The following HMBOX1 variants were observed in gnomAD, a reference collection of about 807,000 sequenced individuals.
The protein encoded by HMBOX1 is homeobox containing 1.
A neutral mutation model predicts 54.5 loss-of-function variants in HMBOX1; 14 were observed. That is an observed-to-expected ratio of 0.26 (90% CI 0.17 to 0.40). HMBOX1 has a LOEUF of 0.40. Among genes scored for constraint, HMBOX1 ranks in the 10% least tolerant of loss-of-function variants. The pLI, the probability that HMBOX1 is intolerant of heterozygous loss-of-function variation, is 1.00. For missense variants in HMBOX1, 332 were observed against 514.4 expected, an observed-to-expected ratio of 0.65 and a Z score of 3.43; for synonymous variants, 160 against 181.0, an observed-to-expected ratio of 0.88 and a Z score of 0.93.
rs1480711855 is a variant in HMBOX1, at chr8:28,970,151, C to T, written c.132C>T (p.Leu44=). The change falls in exon 3 of 10, where the codon CTC becomes CTT. Residue 44 remains leucine, a synonymous_variant. Transcript: ENST00000287701. This position sits in a 1 kb window ranked among gnomAD's most constrained non-coding sequence, Gnocchi z 4.3. ...CTGGAATGACTAAACATGAAATTCT[C>T]CATGCCTTGGAAACTTTGGACCGTC... The part of the protein sequence containing the change: ...RRTGMTKHEI[L]HALETLDRLD... 1 of 1,614,134 alleles carries T rather than the reference C, an allele frequency of 6.2e-7. No homozygotes were observed. The highest frequency in any genetic ancestry group is 1.3e-5 in the African/African-American group (1 of 75,034).
At chr8:29,046,592 G>A (rs1016328194) in intron 7 of HMBOX1, among the ~76,000 whole-genome samples, 1 of 152,216 alleles carries the variant, frequency 6.6e-6, no homozygotes, top group African/African-American at 2.4e-5. Context: ...AAGAAAACAT[G>A]TATAATATCC....
At chr8:28,964,047 G>A (rs889748446) in intron 2 of HMBOX1, among the ~76,000 whole-genome samples, 157 bp downstream of exon 2, 2 of 152,078 alleles carry the variant, frequency 1.3e-5, no homozygotes, top group African/African-American at 4.8e-5. Context: ...TGACATTAAG[G>A]TGAATAAGTG....
intron 1 of HMBOX1, among the ~76,000 whole-genome samples, chr8:28,905,939 T>G (rs1466203791): frequency 6.6e-6 from 1 of 152,206 alleles, no homozygotes; most frequent in East Asian, 1.9e-4. Flanking sequence ...TACCAGCACA[T>G]TTTTTTCAGC....
intron 1 of HMBOX1, among the ~76,000 whole-genome samples, chr8:28,908,413 T>C (rs992559885): frequency 6.6e-6 from 1 of 152,198 alleles, no homozygotes; most frequent in Admixed American, 6.5e-5. Context: ...AATTATAAAC[T>C]TGAAAGTCTA....
At chr8:29,006,624 G>GT (rs1411406471) in intron 4 of HMBOX1, among the ~76,000 whole-genome samples, 4 of 151,974 alleles carry the variant, frequency 2.6e-5, no homozygotes, top group African/African-American at 9.7e-5. Context: ...AGTTTTCTGG[G>GT]TTTTTTTATG....
At chr8:28,969,888 A>G (rs944870210) in intron 2 of HMBOX1, among the ~76,000 whole-genome samples, 155 bp from the exon 3 acceptor site, 2 of 152,148 alleles carry the variant, frequency 1.3e-5, no homozygotes, top group African/African-American at 4.8e-5. Flanking sequence ...GTACCAATCC[A>G]TTTGCCATGG....
chr8:29,049,174 C>T, intron 9 of HMBOX1, 126 bp downstream of exon 9: 3 of 1,488,748 alleles, frequency 2.0e-6, no homozygotes, highest in East Asian at 4.7e-5. Flanking sequence ...CTCCACTCTG[C>T]TCCTGTGTCT....
Position 29,018,821 on chromosome 8 carries a change from G to T in HMBOX1, c.759G>T (p.Thr253=), listed in dbSNP as rs780435273. Reference sequence around the variant, plus strand: ...TAGAGGACCCTGAATGGAGACAAACGCCTCCCCCAGTCTCTGCCACATCTG... The same window carrying T: ...TAGAGGACCCTGAATGGAGACAAACTCCTCCCCCAGTCTCTGCCACATCTG... ...IPIEDPEWRQ[T]PPPVSATSGT... Residue 253 remains threonine (T), a synonymous_variant, in exon 6 of 10, where the codon ACG becomes ACT. Transcript: ENST00000287701. The T allele has an allele frequency of 2.5e-6, 4 of 1,614,056 alleles. No homozygotes were observed. The Admixed American group carries it at 6.7e-5, about 27-fold the overall frequency.
chr8:28,954,869 C>CT (rs1366735888), intron 1 of HMBOX1, among the ~76,000 whole-genome samples: 1 of 152,084 alleles, frequency 6.6e-6, no homozygotes, highest in Non-Finnish European at 1.5e-5. Flanking sequence ...TGAAAGTTTA[C>CT]TTTTTTTCTG....
chr8:28,898,991 G>C (rs944442091), intron 1 of HMBOX1, among the ~76,000 whole-genome samples: 3 of 152,188 alleles, frequency 2.0e-5, no homozygotes. Flanking sequence ...AAGTCTAGCA[G>C]TGCGTGATGA....
At chr8:28,920,794 A>G (rs1817418153) in intron 1 of HMBOX1, among the ~76,000 whole-genome samples, 1 of 152,200 alleles carries the variant, frequency 6.6e-6, no homozygotes, top group African/African-American at 2.4e-5. Context: ...CTTTTGAGAG[A>G]CCAGACAATC....
chr8:28,943,096 C>G (rs1196323426), intron 1 of HMBOX1, among the ~76,000 whole-genome samples: 1 of 152,058 alleles, frequency 6.6e-6, no homozygotes, highest in Non-Finnish European at 1.5e-5. Context: ...ATAAGTAGAC[C>G]AGGTATAAGG....
chr8:28,953,789 G>A (rs1366549394), intron 1 of HMBOX1, among the ~76,000 whole-genome samples: 2 of 152,132 alleles, frequency 1.3e-5, no homozygotes, highest in East Asian at 3.9e-4. Context: ...TTCAAGCTGG[G>A]TGATAGGTAT....
chr8:28,915,934 A>C (rs1315106414), intron 1 of HMBOX1: 2 of 152,184 alleles, frequency 1.3e-5, no homozygotes, highest in African/African-American at 4.8e-5. Context: ...ACATGGAATT[A>C]GTATAAAAAT....
At chr8:28,930,255 A>G (rs1436292034) in intron 1 of HMBOX1, among the ~76,000 whole-genome samples, 2 of 152,070 alleles carry the variant, frequency 1.3e-5, no homozygotes, top group African/African-American at 4.8e-5. Context: ...GAGGTCTAAG[A>G]CCTGGTAGCC....
chr8:29,021,372 T>C (rs1430042522), intron 6 of HMBOX1, among the ~76,000 whole-genome samples: 1 of 151,878 alleles, frequency 6.6e-6, no homozygotes, highest in Non-Finnish European at 1.5e-5. Context: ...AAAAGATTGA[T>C]AAATATGATT....
At chr8:28,944,221 C>T (rs952571555) in intron 1 of HMBOX1, among the ~76,000 whole-genome samples, 18 of 152,164 alleles carry the variant, frequency 1.2e-4, no homozygotes, top group African/African-American at 3.6e-4. Context: ...TCATGAGATT[C>T]GAATACTGCA....
Position 29,007,303 on chromosome 8 carries a change from GA to G in HMBOX1, c.587-1759del, listed in dbSNP as rs575999369. Among the ~76,000 whole-genome samples, 128 of 145,784 alleles carry G rather than the reference GA, an allele frequency of 8.8e-4. 1 individual carries two copies. The highest frequency in any genetic ancestry group is 1.3e-3 in the African/African-American group (51 of 39,658). ...AACTCTGTTTCCAAAAAAATACAAA[GA>G]AAAAAAAAAGTAGTATTAAAAAATA... On this transcript the variant is annotated intron_variant, in intron 4 of 9. Coordinates refer to ENST00000287701, the MANE Select transcript of HMBOX1 (RefSeq NM_001135726.3).
At chr8:28,996,156 T>C (rs1276885623) in intron 4 of HMBOX1, among the ~76,000 whole-genome samples, 3 of 152,148 alleles carry the variant, frequency 2.0e-5, no homozygotes, top group African/African-American at 7.2e-5. Flanking sequence ...CTTCTTATAC[T>C]TTTTATATTG....
Sources: gnomAD v4.1 joint callset for allele counts (sites outside exome capture counted in the v4.1 genomes callset) on GRCh38, gnomAD v4.1.1 for gene constraint, Gnocchi (gnomAD v3.1) non-coding constraint, MANE v1.5 for transcripts, NCBI Gene and HGNC (gene_info 2026-07-23, HGNC 2026-07-21) for gene names.